The following SLC14A2 variants were observed in gnomAD, a reference collection of about 807,000 sequenced individuals.
SLC14A2 encodes solute carrier family 14 member 2.
A neutral mutation model predicts 104.6 loss-of-function variants in SLC14A2; 91 were observed. That is an observed-to-expected ratio of 0.87 (90% CI 0.73 to 1.04). The LOEUF (loss-of-function observed/expected upper bound fraction) is 1.04, where lower values mean the gene tolerates loss of function less well. Ranked by LOEUF, SLC14A2 falls within the 50% of genes least tolerant of loss-of-function variation. The pLI, the probability that SLC14A2 is intolerant of heterozygous loss-of-function variation, is 0.00. For missense variants in SLC14A2, 1,189 were observed against 1,156.0 expected, an observed-to-expected ratio of 1.03 and a Z score of -0.41; for synonymous variants, 476 against 466.4, an observed-to-expected ratio of 1.02 and a Z score of -0.27.
intron 2 of SLC14A2, among the ~76,000 whole-genome samples, chr18:45,594,863 C>A (rs889700208): frequency 1.3e-5 from 2 of 152,182 alleles, no homozygotes; most frequent in Non-Finnish European, 2.9e-5. Flanking sequence ...CCACCCCCAG[C>A]AGCCGTCACA....
At chr18:45,661,470 T>A (rs574968917) in intron 10 of SLC14A2, among the ~76,000 whole-genome samples, 3 of 152,320 alleles carry the variant, frequency 2.0e-5, no homozygotes, top group East Asian at 1.9e-4. Context: ...TAATGCAGCA[T>A]CAGGGTGGAA....
In SLC14A2 at chr18:45,462,307, T is replaced by C. The variant is rs138552079; in HGVS notation, c.-124-20926T>C. Among the ~76,000 whole-genome samples the C allele has an allele frequency of 1.4e-3, 217 of 152,250 alleles. 1 individual carries two copies. Among genetic ancestry groups the C allele is most frequent in the African/African-American group, 4.8e-3 (200 of 41,554 alleles). On this transcript the variant is annotated intron_variant, in intron 1 of 20. Coordinates refer to the SLC14A2 transcript ENST00000586448. ...AACCTCAGTACAAAAGGCATAGACT[T>C]TTAGAGCCAGCCAACTTGCGGGAAC...
chr18:45,292,671 T>C (rs1352291399), intron 1 of SLC14A2, among the ~76,000 whole-genome samples: 3 of 152,204 alleles, frequency 2.0e-5, no homozygotes, highest in Non-Finnish European at 4.4e-5. Flanking sequence ...AATTGATAAC[T>C]CCCTGCAAAC....
intron 1 of SLC14A2, among the ~76,000 whole-genome samples, chr18:45,263,619 G>A (rs1436590788): frequency 6.6e-6 from 1 of 152,002 alleles, no homozygotes; most frequent in African/African-American, 2.4e-5. Flanking sequence ...CATTTACTAA[G>A]CAAAATTCTT....
intron 18 of SLC14A2, among the ~76,000 whole-genome samples, chr18:45,675,953 A>G (rs909147497): frequency 6.6e-6 from 1 of 151,994 alleles, no homozygotes; most frequent in Non-Finnish European, 1.5e-5. Flanking sequence ...TTCAGCAGAC[A>G]GAACAGCCCC....
chr18:45,596,931 CCTTTTA>C (rs921949381), intron 2 of SLC14A2, among the ~76,000 whole-genome samples: 11 of 152,158 alleles, frequency 7.2e-5, no homozygotes, highest in Non-Finnish European at 1.0e-4. Context: ...ACCATTGGAC[CCTTTTA>C]CTGCCTCTGT....
intron 2 of SLC14A2, among the ~76,000 whole-genome samples, chr18:45,536,158 G>A: frequency 6.6e-6 from 1 of 152,216 alleles, no homozygotes; most frequent in Non-Finnish European, 1.5e-5. Flanking sequence ...ACAGTCTGGA[G>A]AGCATGGTGG....
upstream of SLC14A2, among the ~76,000 whole-genome samples, chr18:45,209,070 C>T (rs2083939236): frequency 6.7e-6 from 1 of 149,908 alleles, no homozygotes; most frequent in African/African-American, 2.5e-5. Flanking sequence ...AGCACGGTGG[C>T]TCACGTCTGT....
chr18:45,475,654 TA>T (rs2087356763), intron 1 of SLC14A2, among the ~76,000 whole-genome samples: 1 of 53,574 alleles, frequency 1.9e-5, no homozygotes, highest in African/African-American at 1.1e-4. Flanking sequence ...TATATATATA[TA>T]TATATATATA....
intron 1 of SLC14A2, among the ~76,000 whole-genome samples, chr18:45,353,868 C>T (rs1241480337): frequency 6.6e-6 from 1 of 152,140 alleles, no homozygotes; most frequent in Non-Finnish European, 1.5e-5. Context: ...ATCTTAGAGG[C>T]TTATGTTAAA....
At chr18:45,664,301 C>T (rs1429630692) in intron 11 of SLC14A2, among the ~76,000 whole-genome samples, 1 of 152,174 alleles carries the variant, frequency 6.6e-6, no homozygotes, top group Non-Finnish European at 1.5e-5. Context: ...ATGAACAGTT[C>T]CCATCTATGG....
intron 1 of SLC14A2, among the ~76,000 whole-genome samples, chr18:45,617,046 C>T (rs1467146280): frequency 6.6e-6 from 1 of 152,032 alleles, no homozygotes; most frequent in East Asian, 1.9e-4. Flanking sequence ...TGCAGGGAGC[C>T]GAGATTGCGC....
intron 1 of SLC14A2, chr18:45,423,926 G>A (rs769293348): frequency 3.3e-5 from 5 of 152,136 alleles, no homozygotes; most frequent in African/African-American, 9.7e-5. Flanking sequence ...GAGTCCATGT[G>A]GAGTATGTTT....
chr18:45,658,568 G>A lies in SLC14A2; in HGVS notation c.1352-5217G>A, dbSNP rs1296544157. Among the ~76,000 whole-genome samples the A allele has an allele frequency of 6.3e-5, 9 of 143,292 alleles. No individual in the cohort carries two copies. In the South Asian group the frequency reaches 1.6e-3, roughly 25 times the overall value. The allele number at this position is 143,292 out of a possible 152,430, so 94.0% of individuals were successfully genotyped here. ...TGCACTCCAGCTTGGGTGATACAGC[G>A]AAACTCCAACTCAAAAAAAAAAAAC... On this transcript the variant is annotated intron_variant, in intron 10 of 19. Coordinates refer to ENST00000255226, the MANE Select transcript of SLC14A2 (RefSeq NM_007163.4).
At chr18:45,384,855 G>T (rs1421026256) in intron 1 of SLC14A2, among the ~76,000 whole-genome samples, 1 of 152,216 alleles carries the variant, frequency 6.6e-6, no homozygotes, top group Non-Finnish European at 1.5e-5. Context: ...TTATGTGAAA[G>T]TTCCTCTATG....
At chr18:45,467,206 T>A (rs1280332706) in intron 1 of SLC14A2, among the ~76,000 whole-genome samples, 4 of 152,160 alleles carry the variant, frequency 2.6e-5, no homozygotes, top group Non-Finnish European at 5.9e-5. Context: ...CAGATCAAAC[T>A]GGCTCCAGCA....
intron 1 of SLC14A2, among the ~76,000 whole-genome samples, chr18:45,233,045 C>A (rs2084190089): frequency 6.6e-6 from 1 of 152,188 alleles, no homozygotes; most frequent in Non-Finnish European, 1.5e-5. Flanking sequence ...CAATTTCCCC[C>A]TCTTGCAGTT....
Position 45,254,022 on chromosome 18 carries a change from G to A in SLC14A2, c.-125+40831G>A, listed in dbSNP as rs116192656. Among the ~76,000 whole-genome samples, 811 of 152,238 alleles carry A rather than the reference G, an allele frequency of 5.3e-3. 2 individuals are homozygous for A. The highest frequency in any genetic ancestry group is 0.01 in the Middle Eastern group (3 of 294). ...TCATAGCAGAACCAAAGGACCGAAC[G>A]CTAGAAGGGGCCCTAGGGGTCATCC... On this transcript the variant is annotated intron_variant, in intron 1 of 20. Transcript: ENST00000586448.
chr18:45,319,359 A>G (rs909182109), intron 1 of SLC14A2, among the ~76,000 whole-genome samples: 5 of 152,240 alleles, frequency 3.3e-5, no homozygotes, highest in African/African-American at 1.2e-4. Flanking sequence ...CATCTCACAT[A>G]GCGCCAGCAT....
Sources: gnomAD v4.1 joint callset for allele counts (sites outside exome capture counted in the v4.1 genomes callset) on GRCh38, gnomAD v4.1.1 for gene constraint, MANE v1.5 for transcripts, NCBI Gene and HGNC (gene_info 2026-07-23, HGNC 2026-07-21) for gene names.